The following DST variants were observed in gnomAD, a reference collection of about 807,000 sequenced individuals.
DST encodes bullous pemphigoid antigen.
In DST, 253 loss-of-function variants were observed where a neutral mutation model predicts 875.2. The ratio of observed to expected loss-of-function variants is 0.29; its 90% CI spans 0.26 to 0.32. The LOEUF (loss-of-function observed/expected upper bound fraction) is 0.32. Among genes scored for constraint, DST ranks in the 10% least tolerant of loss-of-function variants. The pLI, the probability that DST is intolerant of heterozygous loss-of-function variation, is 1.00. For synonymous variants in DST, 3,124 were observed against 3,197.1 expected (o/e 0.98, Z 0.77); for missense variants, 8,287 against 9,111.6 (o/e 0.91, Z 3.68).
chr6:56,472,067 G>C lies in DST; in HGVS notation c.22150C>G (p.Leu7384Val). Residue 7384 changes from leucine to valine, a missense_variant, in exon 94 of 104, where the codon CTA becomes GTA. By Grantham distance (32) the Leu-to-Val change is conservative (BLOSUM62 1). This residue lies in a region of DST where 1,292 missense variants were observed against 1,552.7 expected (regional missense o/e 0.83). Coordinates refer to ENST00000680361, the MANE Select transcript of DST (RefSeq NM_001374736.1). ...RRKLNDALDR[L>V]EELREFANFD... is the part of the protein sequence containing the mutation. ...GGTATGAATTTCCAAACCTCCTCTA[G>C]TCTGTCCAAGGCATCATTGAGTTTC... The C allele has an allele frequency of 1.2e-6, 2 of 1,613,910 alleles. No individual in the cohort carries two copies. Among genetic ancestry groups the C allele is most frequent in the Non-Finnish European group, 1.7e-6 (2 of 1,179,808 alleles).
chr6:56,944,942 C>T (rs1818681140), intron 2 of DST, among the ~76,000 whole-genome samples: 1 of 152,152 alleles, frequency 6.6e-6, no homozygotes, highest in Non-Finnish European at 1.5e-5. Context: ...TCTGCCCCTT[C>T]CCTTCCTTCC....
intron 3 of DST, among the ~76,000 whole-genome samples, chr6:56,852,975 C>T (rs1317628739): frequency 6.6e-6 from 1 of 152,196 alleles, no homozygotes; most frequent in Non-Finnish European, 1.5e-5. Flanking sequence ...ACCAACCTTA[C>T]CTCAATCTGT....
At chr6:56,507,465 C>G (rs2096354515) in intron 75 of DST, among the ~76,000 whole-genome samples, 1 of 152,190 alleles carries the variant, frequency 6.6e-6, no homozygotes, top group East Asian at 1.9e-4. Context: ...GTAAACCATA[C>G]TATGTGCAGA....
At chr6:56,649,660 C>T (rs1405336886) in intron 12 of DST, among the ~76,000 whole-genome samples, 1 of 152,126 alleles carries the variant, frequency 6.6e-6, no homozygotes, top group African/African-American at 2.4e-5. Context: ...AATGTCCTGG[C>T]TACCAGTAAA....
intron 37 of DST, among the ~76,000 whole-genome samples, chr6:56,613,010 C>T (rs925666562): frequency 2.0e-5 from 3 of 151,982 alleles, no homozygotes; most frequent in Non-Finnish European, 4.4e-5. Context: ...ACCTGGGTGA[C>T]AGAGCAAGAC....
intron 61 of DST, among the ~76,000 whole-genome samples, chr6:56,545,524 A>G (rs2097207722): frequency 6.6e-6 from 1 of 151,914 alleles, no homozygotes; most frequent in African/African-American, 2.4e-5. Context: ...TATAAGCAAA[A>G]CAGTAATATT....
At chr6:56,588,485 T>C (rs534595640) in intron 49 of DST, among the ~76,000 whole-genome samples, 46 of 152,332 alleles carry the variant, frequency 3.0e-4, no homozygotes, top group African/African-American at 1.1e-3. Flanking sequence ...GTGACTATTA[T>C]TGGATTTTTC....
At chr6:56,697,218 C>T (rs1449656982) in intron 9 of DST, among the ~76,000 whole-genome samples, 1 of 152,132 alleles carries the variant, frequency 6.6e-6, no homozygotes, top group Non-Finnish European at 1.5e-5. Context: ...ACCCTCTATG[C>T]CCTGTGTCCA....
rs148693994 is a variant in DST, at chr6:56,737,381, GTAATT to G, written c.626-2097_626-2093del. On this transcript the variant is annotated intron_variant, in intron 4 of 103. Coordinates refer to ENST00000680361, the MANE Select transcript of DST (RefSeq NM_001374736.1). ...AGACACACATATTGCTGATGAAAATGTAATTTAATTTAAACTTTCTAGACCTGCGT... is the reference window on the plus strand; with the variant it reads ...AGACACACATATTGCTGATGAAAATGTAATTTAAACTTTCTAGACCTGCGT... Among the ~76,000 whole-genome samples the G allele has an allele frequency of 7.7e-3, 1,180 of 152,288 alleles. 15 individuals carry two copies. Among genetic ancestry groups the G allele is most frequent in the African/African-American group, 0.027 (1,119 of 41,552 alleles).
intron 36 of DST, chr6:56,615,933 C>G (rs772083323): frequency 1.2e-6 from 2 of 1,614,200 alleles, no homozygotes; most frequent in Non-Finnish European, 1.7e-6. Flanking sequence ...TGGGCAAACC[C>G]CTCATCAACC....
intron 69 of DST, among the ~76,000 whole-genome samples, chr6:56,526,140 G>A (rs2096792939): frequency 2.0e-5 from 3 of 152,346 alleles, no homozygotes; most frequent in South Asian, 4.1e-4. Flanking sequence ...ATAAATCTGT[G>A]AAACAATGAG....
intron 54 of DST, among the ~76,000 whole-genome samples, chr6:56,568,898 T>C (rs1176728961): frequency 1.3e-5 from 2 of 152,124 alleles, no homozygotes; most frequent in Non-Finnish European, 2.9e-5. Context: ...CTGTCAACTG[T>C]AAGTCTGTAA....
At chr6:56,515,706 C>G (rs777413256) in intron 71 of DST, 38 bp from the exon 72 acceptor site, 21 of 1,508,248 alleles carry the variant, frequency 1.4e-5, no homozygotes, top group Non-Finnish European at 1.8e-5. Context: ...ACTGGTCAGG[C>G]CAACGAGCAC....
At position 56,607,917 on chromosome 6, in the gene DST, A is replaced by G. The variant is rs1441990591; in HGVS notation, c.6711T>C (p.Cys2237=). The G allele has an allele frequency of 1.2e-6, 2 of 1,613,706 alleles. No individual in the cohort carries two copies. Among genetic ancestry groups the G allele is most frequent in the Admixed American group, 1.7e-5 (1 of 59,952 alleles). The change falls in exon 40 of 104, where the codon TGT becomes TGC. Residue 2237 remains cysteine, a synonymous_variant. Coordinates refer to ENST00000680361, the MANE Select transcript of DST (RefSeq NM_001374736.1). ...CTGTGTTTCCATCAAATTCTGCATG[A>G]CAGCCTTCCAGTAGCATGCCAACAG... ...DEAVGMLLEG[C]HAEFDGNTAI...
rs189168657 is a variant in DST, at chr6:56,607,013, G to T, written c.7615C>A (p.Pro2539Thr). The T allele has an allele frequency of 5.8e-5, 93 of 1,613,242 alleles. No individual in the cohort carries two copies. The highest frequency in any genetic ancestry group is 7.3e-5 in the Non-Finnish European group (86 of 1,179,602). ...NTSGEDEKTH[P>T]GFQQMPEDKE... The stretch of plus-strand genomic sequence containing the variant: ...TCTTCAGGCATCTGCTGAAAACCTG[G>T]ATGTGTTTTTTCATCCTCACCAGAA... Residue 2539 changes from proline (P) to threonine (T), a missense_variant, in exon 40 of 104, where the codon CCA (proline) becomes ACA (threonine). Physicochemically the swap from Pro to Thr is conservative, Grantham distance 38. Coordinates refer to ENST00000680361, the MANE Select transcript of DST (RefSeq NM_001374736.1).
In DST at chr6:56,593,834, A is replaced by G. The variant is rs1315242518; in HGVS notation, c.12555T>C (p.Ile4185=). The part of the protein sequence containing the change: ...KRQKSFSEDV[I]SHKGDLRYIT... Reference sequence around the variant, plus strand: ...TGTATCTCAAGTCACCTTTGTGAGAAATAACGTCTTCTGAGAAACTCTTCT... The same window carrying G: ...TGTATCTCAAGTCACCTTTGTGAGAGATAACGTCTTCTGAGAAACTCTTCT... The change falls in exon 48 of 104, where the codon ATT becomes ATC. Residue 4185 remains isoleucine (I), a synonymous_variant. Coordinates refer to ENST00000680361, the MANE Select transcript of DST (RefSeq NM_001374736.1). 12 of 1,613,858 alleles carry G rather than the reference A, an allele frequency of 7.4e-6. No individual in the cohort carries two copies. Among genetic ancestry groups the G allele is most frequent in the Non-Finnish European group, 1.0e-5 (12 of 1,179,896 alleles).
chr6:56,843,199 C>A, intron 4 of DST: 1 of 1,474,998 alleles, frequency 6.8e-7, no homozygotes, highest in South Asian at 1.5e-5. Context: ...CCTCGTAACC[C>A]CCGGACAGTA....
At position 56,900,570 on chromosome 6, in the gene DST, C is replaced by T. The variant is rs768071469; in HGVS notation, c.268G>A (p.Ala90Thr). 2.2e-6 allele frequency: 3 copies of T among 1,367,536 alleles called. No individual in the cohort carries two copies. Among genetic ancestry groups the T allele is most frequent in the Non-Finnish European group, 2.0e-6 (2 of 1,021,842 alleles). The allele number at this position is 1,367,536 out of a possible 1,614,324, so 84.7% of individuals were successfully genotyped here. ...GGCTTCACTTCTTCCAGACGGGCAG[C>T]TGCGGCCGCTGCAACTCGTCTTCTA... The part of the protein sequence containing the change: ...HLRRRVAAAA[A>T]ARLEEVKPVV... Residue 90 changes from alanine (A) to threonine (T), a missense_variant, in exon 3 of 104, where the codon GCT (alanine) becomes ACT (threonine). This residue lies in a region of DST where 1,160 missense variants were observed against 1,424.3 expected (regional missense o/e 0.81). Transcript: ENST00000680361.
intron 5 of DST, among the ~76,000 whole-genome samples, chr6:56,716,483 C>A (rs751341994): frequency 7.0e-4 from 106 of 152,304 alleles, no homozygotes; most frequent in Middle Eastern, 6.8e-3. Context: ...GCAAAGATTT[C>A]TTATGTATGA....
Sources: gnomAD v4.1 joint callset for allele counts (sites outside exome capture counted in the v4.1 genomes callset) on GRCh38, gnomAD v4.1.1 for gene constraint, gnomAD v4.1.1 regional missense constraint, MANE v1.5 for transcripts, NCBI Gene and HGNC (gene_info 2026-07-23, HGNC 2026-07-21) for gene names.